Variants in FARP2 observed in about 807,000 individuals in gnomAD.
FARP2 encodes FERM, ARH/RhoGEF and pleckstrin domain protein 2.
FARP2 carries 111 observed loss-of-function variants against 130.5 expected under a neutral mutation model. The ratio of observed to expected loss-of-function variants is 0.85; its 90% CI spans 0.73 to 1.00. The LOEUF (loss-of-function observed/expected upper bound fraction) is 1.00. FARP2 is among the 50% of genes least tolerant of loss of function. FARP2 has a pLI of 0.00. For synonymous variants in FARP2, 504 were observed against 516.9 expected (o/e 0.98, Z 0.34); for missense variants, 1,385 against 1,346.3 (o/e 1.03, Z -0.45).
At chr2:241,401,771 A>G (rs543590381) in intron 2 of FARP2, among the ~76,000 whole-genome samples, 2 of 150,828 alleles carry the variant, frequency 1.3e-5, no homozygotes, top group Non-Finnish European at 3.0e-5. Flanking sequence ...TGGATATGTC[A>G]TTATTTATTT....
At chr2:241,422,882 A>G (rs541936383) in intron 8 of FARP2, among the ~76,000 whole-genome samples, 8 of 152,312 alleles carry the variant, frequency 5.3e-5, no homozygotes, top group African/African-American at 1.4e-4. Context: ...ATTGAAGACT[A>G]TCTTTCTGAA....
intron 3 of FARP2, 44 bp downstream of exon 3, chr2:241,403,976 C>A: frequency 9.5e-7 from 1 of 1,049,044 alleles, no homozygotes; most frequent in Non-Finnish European, 1.5e-6. Flanking sequence ...TTTGGGCCTG[C>A]TGTGATGACA....
chr2:241,373,182 A>C lies in FARP2; in HGVS notation c.75A>C (p.Gly25=). The part of the protein sequence containing the change: ...GMRLGAQTPV[G]VSTLEPGQTL... ...GCTTGGGTGCCCAGACCCCTGTGGG[A>C]GTTAGCACCCTTGAGCCTGGGCAGA... is the stretch of plus-strand genomic sequence containing the variant. The change falls in exon 2 of 27, where the codon GGA becomes GGC. Residue 25 remains glycine, a synonymous_variant. Transcript: ENST00000264042. The C allele has an allele frequency of 1.3e-6, 2 of 1,580,466 alleles. No individual in the cohort carries two copies. Among genetic ancestry groups the C allele is most frequent in the Non-Finnish European group, 1.7e-6 (2 of 1,158,294 alleles).
intron 4 of FARP2, among the ~76,000 whole-genome samples, chr2:241,406,463 G>A (rs992210866): frequency 6.6e-6 from 1 of 151,994 alleles, no homozygotes; most frequent in African/African-American, 2.4e-5. Flanking sequence ...TGTGTGTGGA[G>A]GGGTGGGCAA....
intron 1 of FARP2, among the ~76,000 whole-genome samples, chr2:241,368,942 A>G (rs2061370147): frequency 6.6e-6 from 1 of 152,164 alleles, no homozygotes; most frequent in African/African-American, 2.4e-5. Context: ...TTATGTGACA[A>G]CAAACAGATT....
intron 2 of FARP2, among the ~76,000 whole-genome samples, chr2:241,379,314 C>T (rs2061607968): frequency 6.6e-6 from 1 of 152,192 alleles, no homozygotes; most frequent in Admixed American, 6.5e-5. Flanking sequence ...AAAAGAACAA[C>T]CTGGGATGCA....
chr2:241,437,670 A>ATTTTTTT lies in FARP2; in HGVS notation c.1158+1138_1158+1144dup, dbSNP rs763025047. Among the ~76,000 whole-genome samples the ATTTTTTT allele has an allele frequency of 5.8e-3, 778 of 133,082 alleles. 5 individuals carry two copies. Among genetic ancestry groups the ATTTTTTT allele is most frequent in the Non-Finnish European group, 8.7e-3 (547 of 63,170 alleles). 87.3% of individuals were successfully genotyped at this position (133,082 alleles called of 152,430 possible). ...TATATATTTATTTATTTATTTATTT[A>ATTTTTTT]TTTTTTTTTTTTGAGACGGAGTCTT... is the stretch of plus-strand genomic sequence containing the variant. On this transcript the variant is annotated intron_variant, in intron 12 of 26. Coordinates refer to ENST00000264042, the MANE Select transcript of FARP2 (RefSeq NM_014808.4).
Position 241,494,136 on chromosome 2 carries a change from G to C in FARP2, c.*11G>C. On this transcript the variant is annotated 3_prime_UTR_variant, in exon 27 of 27. Coordinates refer to ENST00000264042, the MANE Select transcript of FARP2 (RefSeq NM_014808.4). This position sits in a 1 kb window ranked among gnomAD's most constrained non-coding sequence, Gnocchi z 4.9. ...GGGAAGGAGGAATGACGCTCAACCT[G>C]CCCAGGTTTGGACACAACTACAAAG... is the stretch of plus-strand genomic sequence containing the variant. The C allele has an allele frequency of 1.4e-6, 2 of 1,450,044 alleles. No individual in the cohort carries two copies. The highest frequency in any genetic ancestry group is 1.8e-6 in the Non-Finnish European group (2 of 1,096,146). The allele number at this position is 1,450,044 out of a possible 1,614,324, so 89.8% of individuals were successfully genotyped here. A position where few individuals can be genotyped will look rare whatever the true frequency, so the allele number is the denominator to read the frequency against.
At chr2:241,431,628 A>C (rs752716871) in intron 8 of FARP2, 51 bp from the exon 9 acceptor site, 2 of 896,606 alleles carry the variant, frequency 2.2e-6, no homozygotes, top group South Asian at 1.4e-5. Flanking sequence ...TTCATGAGAA[A>C]GGGGTTATGT....
At chr2:241,373,062 G>GT (rs201276541) in intron 1 of FARP2, 22 bp from the exon 2 acceptor site, 226,221 of 885,180 alleles carry the variant, frequency 0.26, 4,460 homozygotes, top group East Asian at 0.41. Context: ...CCTTCATGTG[G>GT]TTTTTTTTTT....
chr2:241,411,810 A>G (rs775402001), intron 6 of FARP2, among the ~76,000 whole-genome samples: 1 of 152,208 alleles, frequency 6.6e-6, no homozygotes. Context: ...ATTAATAAGT[A>G]TATAGGTTAT....
At chr2:241,441,974 G>A (rs2063395723) in intron 13 of FARP2, 1 of 363,628 alleles carries the variant, frequency 2.8e-6, no homozygotes, top group Non-Finnish European at 5.4e-6. Context: ...AGCCCAGACA[G>A]GTACTCCATG....
At chr2:241,397,963 G>A (rs1442507799) in intron 2 of FARP2, among the ~76,000 whole-genome samples, 1 of 151,282 alleles carries the variant, frequency 6.6e-6, no homozygotes, top group African/African-American at 2.4e-5. Context: ...CCAAGTAGCT[G>A]GGACTACAGG....
intron 2 of FARP2, among the ~76,000 whole-genome samples, chr2:241,389,133 C>A (rs904162883): frequency 2.6e-5 from 4 of 151,854 alleles, no homozygotes; most frequent in African/African-American, 9.7e-5. Context: ...GTACAAAAAT[C>A]AGCTGGGCAT....
chr2:241,493,019 T>C lies in FARP2; in HGVS notation c.2878T>C (p.Phe960Leu), dbSNP rs774128174. 4 of 1,601,432 alleles carry C rather than the reference T, an allele frequency of 2.5e-6. No individual in the cohort carries two copies. The highest frequency in any genetic ancestry group is 2.6e-6 in the Non-Finnish European group (3 of 1,168,472). ...CGTCTTTACCAACTTCTGTTTGTTC[T>C]TCTACAAAACTCATCAGGTACTGGA... The part of the protein sequence containing the change: ...WVVFTNFCLF[F>L]YKTHQDDYPL... Residue 960 changes from phenylalanine to leucine, a missense_variant, in exon 25 of 27, where the codon TTC (phenylalanine) becomes CTC (leucine). Coordinates refer to ENST00000264042, the MANE Select transcript of FARP2 (RefSeq NM_014808.4).
At chr2:241,458,144 C>T (rs143580332) in intron 14 of FARP2, among the ~76,000 whole-genome samples, 3 of 152,130 alleles carry the variant, frequency 2.0e-5, no homozygotes, top group East Asian at 1.9e-4. Context: ...CCTACAGCTA[C>T]GGTTTTGCAG....
intron 1 of FARP2, among the ~76,000 whole-genome samples, chr2:241,359,394 A>G (rs190599238): frequency 7.2e-5 from 11 of 152,272 alleles, no homozygotes; most frequent in African/African-American, 1.4e-4. Context: ...GTCATGTCCT[A>G]TCCCAGCTGC....
At chr2:241,425,316 CA>C (rs2062905543) in intron 8 of FARP2, among the ~76,000 whole-genome samples, 1 of 151,930 alleles carries the variant, frequency 6.6e-6, no homozygotes, top group South Asian at 2.1e-4. Context: ...GCAACAAAAG[CA>C]AAAATTGATA....
Position 241,456,893 on chromosome 2 carries a change from G to C in FARP2, c.1558G>C (p.Gly520Arg), listed in dbSNP as rs141474478. The C allele has an allele frequency of 1.4e-4, 227 of 1,607,480 alleles. No homozygotes were observed. Among genetic ancestry groups the C allele is most frequent in the Non-Finnish European group, 1.8e-4 (214 of 1,176,722 alleles). The change falls in exon 14 of 27, where the codon GGG becomes CGG. Residue 520 changes from glycine to arginine, a missense_variant. Gly to Arg is a moderately radical substitution (Grantham distance 125, BLOSUM62 -2). Transcript: ENST00000264042. ...SPVLSDAGGA[G>R]MDCEEPRHKR... ...TGTCCTCAGTGATGCTGGCGGAGCC[G>C]GGATGGACTGCGAGGAGCCCAGACA...
Sources: allele counts gnomAD v4.1 joint callset (sites outside exome capture counted in the v4.1 genomes callset), GRCh38; gene constraint gnomAD v4.1.1; non-coding constraint Gnocchi (gnomAD v3.1); transcripts MANE v1.5; gene names NCBI Gene and HGNC (gene_info 2026-07-23, HGNC 2026-07-21).